Variants in AGBL4 observed in about 807,000 individuals in gnomAD.
AGBL4 encodes the protein AGBL carboxypeptidase 4, also known as cytosolic carboxypeptidase 6.
Under a neutral mutation model 66.4 loss-of-function variants are expected in AGBL4, and 58 were observed. That is an observed-to-expected ratio of 0.87 (90% CI 0.71 to 1.09). The LOEUF (loss-of-function observed/expected upper bound fraction) is 1.09, where lower values mean the gene tolerates loss of function less well. Ranked by LOEUF, AGBL4 falls within the 50% of genes least tolerant of loss-of-function variation. The pLI is 0.00. For missense variants in AGBL4, 579 were observed against 631.0 expected (o/e 0.92, Z 0.88); for synonymous variants, 234 against 222.9 (o/e 1.05, Z -0.44).
intron 1 of AGBL4, among the ~76,000 whole-genome samples, chr1:49,985,389 A>G (rs185173210): frequency 6.6e-6 from 1 of 152,328 alleles, no homozygotes. Context: ...CATATTTAGA[A>G]GGTAATTATT....
chr1:49,106,558 T>G (rs1571462211), intron 4 of AGBL4, among the ~76,000 whole-genome samples: 1 of 152,300 alleles, frequency 6.6e-6, no homozygotes, highest in South Asian at 2.1e-4. Flanking sequence ...GATCCTGCCC[T>G]AGGCATAGTT....
At chr1:49,322,781 G>A (rs1461696424) in intron 3 of AGBL4, among the ~76,000 whole-genome samples, 3 of 152,146 alleles carry the variant, frequency 2.0e-5, no homozygotes, top group Non-Finnish European at 4.4e-5. Context: ...AGAACTATGA[G>A]AGAATAAATT....
intron 2 of AGBL4, among the ~76,000 whole-genome samples, chr1:49,710,260 A>G (rs915709799): frequency 6.6e-6 from 1 of 152,232 alleles, no homozygotes; most frequent in African/African-American, 2.4e-5. Context: ...CTATGCAGCC[A>G]TAAAAAGGAT....
chr1:49,488,702 C>T (rs1303506481), intron 3 of AGBL4, among the ~76,000 whole-genome samples: 1 of 151,686 alleles, frequency 6.6e-6, no homozygotes, highest in Non-Finnish European at 1.5e-5. Context: ...CTCCCACTAT[C>T]CTTCTTTTCC....
intron 3 of AGBL4, among the ~76,000 whole-genome samples, chr1:49,512,187 A>C (rs1351868093): frequency 6.6e-6 from 1 of 151,976 alleles, no homozygotes; most frequent in Non-Finnish European, 1.5e-5. Context: ...TCTATATTGA[A>C]AATGTCCCTT....
chr1:48,646,808 T>TC (rs1281850021), intron 8 of AGBL4, among the ~76,000 whole-genome samples: 1 of 151,922 alleles, frequency 6.6e-6, no homozygotes, highest in Non-Finnish European at 1.5e-5. Flanking sequence ...TGCTTCAACC[T>TC]CCCCCTCTAC....
At chr1:48,708,551 G>T (rs995077747) in intron 6 of AGBL4, among the ~76,000 whole-genome samples, 13 of 152,160 alleles carry the variant, frequency 8.5e-5, no homozygotes, top group Non-Finnish European at 1.9e-4. Context: ...CCCTAGAGAA[G>T]ATCCCTGCTC....
At chr1:49,030,955 AG>A (rs1207589920) in intron 5 of AGBL4, among the ~76,000 whole-genome samples, 4 of 152,160 alleles carry the variant, frequency 2.6e-5, no homozygotes, top group African/African-American at 9.7e-5. Context: ...GAATGGAGAA[AG>A]GGAAGATGTT....
chr1:48,602,933 C>T (rs1170997991), intron 9 of AGBL4, among the ~76,000 whole-genome samples: 1 of 152,160 alleles, frequency 6.6e-6, no homozygotes, highest in Non-Finnish European at 1.5e-5. Context: ...TGTACATATG[C>T]CTTTCAGGTG....
At chr1:49,348,457 C>T (rs573944770) in intron 3 of AGBL4, among the ~76,000 whole-genome samples, 28 of 151,882 alleles carry the variant, frequency 1.8e-4, no homozygotes, top group African/African-American at 6.5e-4. Flanking sequence ...GGAAGACAGA[C>T]GGAAATTAGA....
At chr1:48,718,360 T>G (rs1216385463) in intron 6 of AGBL4, among the ~76,000 whole-genome samples, 1 of 152,236 alleles carries the variant, frequency 6.6e-6, no homozygotes, top group Non-Finnish European at 1.5e-5. Context: ...TCCAAGAGAT[T>G]GGAGCCAACA....
intron 3 of AGBL4, among the ~76,000 whole-genome samples, chr1:49,607,198 A>G (rs1406063837): frequency 6.6e-6 from 1 of 152,048 alleles, no homozygotes; most frequent in Non-Finnish European, 1.5e-5. Context: ...AAGAATTGCA[A>G]TGTTCCTGTC....
chr1:48,728,023 C>T, intron 6 of AGBL4: 1 of 1,610,698 alleles, frequency 6.2e-7, no homozygotes, highest in Non-Finnish European at 8.5e-7. Flanking sequence ...GTTTCTTGTG[C>T]TATTCTGTCA....
chr1:49,802,388 T>C (rs1644882182), intron 2 of AGBL4, among the ~76,000 whole-genome samples: 1 of 152,192 alleles, frequency 6.6e-6, no homozygotes, highest in Admixed American at 6.5e-5. Context: ...ACCGGTTGTC[T>C]AGCTTCATGT....
At chr1:49,730,576 G>A (rs976569498) in intron 2 of AGBL4, among the ~76,000 whole-genome samples, 1 of 152,180 alleles carries the variant, frequency 6.6e-6, no homozygotes, top group Non-Finnish European at 1.5e-5. Flanking sequence ...TTGGGGCTCT[G>A]CAGTTGCTGG....
intron 3 of AGBL4, among the ~76,000 whole-genome samples, chr1:49,373,838 G>T (rs1200260001): frequency 6.6e-6 from 1 of 152,004 alleles, no homozygotes; most frequent in African/African-American, 2.4e-5. Flanking sequence ...TCTTTTACAG[G>T]TTTATACCAC....
At chr1:49,519,609 A>G (rs900156510) in intron 3 of AGBL4, among the ~76,000 whole-genome samples, 2 of 152,078 alleles carry the variant, frequency 1.3e-5, no homozygotes, top group Non-Finnish European at 2.9e-5. Flanking sequence ...ATGTAGTCAC[A>G]TATCTTTTTT....
rs114579520 is a variant in AGBL4 at position 49,648,006 on chromosome 1, A to G, written c.282+49307T>C. 6.2e-3 allele frequency among the ~76,000 whole-genome samples: 937 copies of G among 152,274 alleles called. 9 individuals carry two copies. Among genetic ancestry groups the G allele is most frequent in the African/African-American group, 0.021 (872 of 41,566 alleles). On this transcript the variant is annotated intron_variant, in intron 3 of 13. Coordinates refer to ENST00000371839, the MANE Select transcript of AGBL4 (RefSeq NM_032785.4). Reference sequence around the variant, plus strand: ...CAGCTAACTAAAAACATAGTTGAGGAGATAAAGCAAGCATCAAAACCAGAC... The same window carrying G: ...CAGCTAACTAAAAACATAGTTGAGGGGATAAAGCAAGCATCAAAACCAGAC...
chr1:48,700,719 C>T (rs1021782791), intron 6 of AGBL4, among the ~76,000 whole-genome samples: 2 of 152,160 alleles, frequency 1.3e-5, no homozygotes, highest in Non-Finnish European at 2.9e-5. Context: ...GTTTTGATCA[C>T]CCACCATGTG....
Sources: allele counts gnomAD v4.1 joint callset (sites outside exome capture counted in the v4.1 genomes callset), GRCh38; gene constraint gnomAD v4.1.1; transcripts MANE v1.5; gene names NCBI Gene and HGNC (gene_info 2026-07-23, HGNC 2026-07-21).